Variants in FANK1 observed in about 807,000 individuals in gnomAD.
The protein encoded by FANK1 is fibronectin type 3 and ankyrin repeat domains protein 1.
FANK1 carries 44 observed loss-of-function variants against 45.3 expected under a neutral mutation model. That is an observed-to-expected ratio of 0.97 (90% CI 0.76 to 1.25). The LOEUF (loss-of-function observed/expected upper bound fraction) is 1.25, where lower values mean the gene tolerates loss of function less well. Ranked by LOEUF, FANK1 falls within the 50% of genes most tolerant of loss-of-function variation. The pLI, the probability that FANK1 is intolerant of heterozygous loss-of-function variation, is 0.00. For missense variants in FANK1, 391 were observed against 424.4 expected, an observed-to-expected ratio of 0.92 and a Z score of 0.69; for synonymous variants, 149 against 152.5, an observed-to-expected ratio of 0.98 and a Z score of 0.17.
chr10:126,002,418 G>A (rs1299417917), intron 6 of FANK1, among the ~76,000 whole-genome samples: 1 of 152,218 alleles, frequency 6.6e-6, no homozygotes, highest in Admixed American at 6.5e-5. Context: ...AGACCTTTGA[G>A]TGCTTGGGAA....
At chr10:125,988,381 C>T (rs551772067) in intron 2 of FANK1, among the ~76,000 whole-genome samples, 170 bp from the exon 3 acceptor site, 21 of 152,200 alleles carry the variant, frequency 1.4e-4, no homozygotes, top group Admixed American at 5.2e-4. Context: ...AGGGATGGGG[C>T]GCCATGTGGG....
intron 1 of FANK1, among the ~76,000 whole-genome samples, chr10:125,906,399 C>G (rs1228846910): frequency 6.6e-6 from 1 of 151,278 alleles, no homozygotes; most frequent in African/African-American, 2.4e-5. Flanking sequence ...GCCTGTAATC[C>G]CAGCTACTAG....
intron 1 of FANK1, among the ~76,000 whole-genome samples, chr10:125,939,937 T>A (rs9787510): frequency 0.67 from 97,521 of 144,784 alleles, 33,173 homozygotes; most frequent in Non-Finnish European, 0.73. Context: ...TATTATTATT[T>A]TTTTTTTTTT....
At chr10:125,946,342 A>G (rs1239823411) in intron 1 of FANK1, among the ~76,000 whole-genome samples, 2 of 148,898 alleles carry the variant, frequency 1.3e-5, no homozygotes, top group Non-Finnish European at 3.0e-5. Context: ...CCAAAGGCAA[A>G]GAAGTTGAAA....
At chr10:126,008,937 G>A in intron 8 of FANK1, 117 bp from the exon 9 acceptor site, 2 of 898,316 alleles carry the variant, frequency 2.2e-6, no homozygotes, top group Non-Finnish European at 3.5e-6. Context: ...AGCCACAGTG[G>A]TCTTTTGGGG....
In FANK1 at chr10:125,980,283, A is replaced by G. The variant is rs1951115690; in HGVS notation, c.136A>G (p.Arg46Gly). The part of the protein sequence containing the change: ...KRQGPQEQWF[R>G]FSIEEEDPKM... ...CCAAGGACCTCAAGAGCAGTGGTTC[A>G]GGTTCTCGATTGAAGAAGAAGACCC... The change falls in exon 2 of 11, where the codon AGG (arginine) becomes GGG (glycine). Residue 46 changes from arginine to glycine, a missense_variant. Coordinates refer to ENST00000368693, the MANE Select transcript of FANK1 (RefSeq NM_145235.5). 6.2e-7 allele frequency: 1 copy of G among 1,614,106 alleles called. No individual in the cohort carries two copies. The highest frequency in any genetic ancestry group is 1.1e-5 in the South Asian group (1 of 91,070).
intron 1 of FANK1, among the ~76,000 whole-genome samples, chr10:125,928,308 T>C (rs1193771190): frequency 1.3e-5 from 2 of 151,106 alleles, no homozygotes; most frequent in Non-Finnish European, 2.9e-5. Flanking sequence ...ATTTCTGATA[T>C]TGCCATGGCA....
chr10:125,924,911 T>C (rs113085199), intron 1 of FANK1, among the ~76,000 whole-genome samples: 1 of 148,700 alleles, frequency 6.7e-6, no homozygotes, highest in Non-Finnish European at 1.5e-5. Flanking sequence ...TTTGCCTTAT[T>C]TTATCTTCAA....
At chr10:125,987,635 A>G (rs1033360839) in intron 2 of FANK1, among the ~76,000 whole-genome samples, 2 of 152,192 alleles carry the variant, frequency 1.3e-5, no homozygotes, top group Non-Finnish European at 2.9e-5. Flanking sequence ...TAGTCGGATA[A>G]GAAGAAAGAA....
In FANK1 at chr10:125,944,488, T is replaced by C. The variant is rs550709782; in HGVS notation, c.14-35673T>C. On this transcript the variant is annotated intron_variant, in intron 1 of 10. Transcript: ENST00000368693. ...CTTTTTCACTTAACAATTCAATACC[T>C]TCCTGTTGGGAGCAGGCCCCCCAAA... 3.9e-5 allele frequency among the ~76,000 whole-genome samples: 6 copies of C among 152,298 alleles called. No individual in the cohort carries two copies. In the East Asian group the frequency reaches 1.2e-3, roughly 29 times the overall value.
At chr10:125,939,148 C>T (rs1421769282) in intron 1 of FANK1, among the ~76,000 whole-genome samples, 1 of 152,120 alleles carries the variant, frequency 6.6e-6, no homozygotes, top group Non-Finnish European at 1.5e-5. Flanking sequence ...CACAACTGGC[C>T]TGGACTCTTA....
At chr10:125,911,985 T>C (rs1564861626) in intron 1 of FANK1, among the ~76,000 whole-genome samples, 3 of 152,226 alleles carry the variant, frequency 2.0e-5, no homozygotes, top group Non-Finnish European at 4.4e-5. Context: ...ATTCTATCCA[T>C]CTATCAAGTT....
At position 125,945,602 on chromosome 10, in the gene FANK1, G is replaced by A. The variant is rs532302825; in HGVS notation, c.14-34559G>A. ...CCACACCTGGCTGGGAGGGTCCTAC[G>A]CCCACGGAATCTCGCTGACTGCTAG... On this transcript the variant is annotated intron_variant, in intron 1 of 10. Coordinates refer to ENST00000368693, the MANE Select transcript of FANK1 (RefSeq NM_145235.5). 9.2e-5 allele frequency among the ~76,000 whole-genome samples: 14 copies of A among 152,314 alleles called. No individual in the cohort carries two copies. In the South Asian group the frequency reaches 2.1e-3, roughly 23 times the overall value.
intron 6 of FANK1, among the ~76,000 whole-genome samples, chr10:126,003,588 C>T (rs1261539753): frequency 1.3e-5 from 2 of 152,152 alleles, no homozygotes; most frequent in Admixed American, 6.5e-5. Flanking sequence ...TGTAAAGATA[C>T]AGTTTTCCCA....
At chr10:125,954,493 A>G (rs970252216) in intron 1 of FANK1, among the ~76,000 whole-genome samples, 1 of 152,230 alleles carries the variant, frequency 6.6e-6, no homozygotes, top group Non-Finnish European at 1.5e-5. Flanking sequence ...AAATTAGAAC[A>G]TTATTCTTAA....
chr10:125,985,219 G>A (rs1448172282), intron 2 of FANK1, among the ~76,000 whole-genome samples: 1 of 152,206 alleles, frequency 6.6e-6, no homozygotes, highest in Non-Finnish European at 1.5e-5. Context: ...CTAATGCTAT[G>A]CTAAGTCTTT....
chr10:125,980,327 T>C lies in FANK1; in HGVS notation c.180T>C (p.Gly60=), dbSNP rs1241992698. The C allele has an allele frequency of 2.5e-6, 4 of 1,613,780 alleles. No individual in the cohort carries two copies. In the Admixed American group the frequency reaches 6.7e-5, roughly 27 times the overall value. ...AAGACCCCAAAATGCACACTTATGG[T>C]ATCATTTATACGTAGGTGCAGTGTT... is the stretch of plus-strand genomic sequence containing the variant. The part of the protein sequence containing the change: ...EEEDPKMHTY[G]IIYTGYATKH... The change falls in exon 2 of 11, where the codon GGT becomes GGC. Residue 60 remains glycine, a synonymous_variant. Transcript: ENST00000368693.
At chr10:126,000,447 C>A (rs1385843823) in intron 6 of FANK1, among the ~76,000 whole-genome samples, 1 of 152,030 alleles carries the variant, frequency 6.6e-6, no homozygotes, top group South Asian at 2.1e-4. Flanking sequence ...TCCCTATCTA[C>A]GTAAGAACCT....
intron 1 of FANK1, among the ~76,000 whole-genome samples, chr10:125,933,422 A>G (rs1036154884): frequency 6.6e-6 from 1 of 152,024 alleles, no homozygotes; most frequent in East Asian, 1.9e-4. Flanking sequence ...TATGTGTGTA[A>G]AGGTGTTCAC....
Sources: gnomAD v4.1 joint callset for allele counts (sites outside exome capture counted in the v4.1 genomes callset) on GRCh38, gnomAD v4.1.1 for gene constraint, MANE v1.5 for transcripts, NCBI Gene and HGNC (gene_info 2026-07-23, HGNC 2026-07-21) for gene names.